The following FAM20C variants were observed in gnomAD, a reference collection of about 807,000 sequenced individuals.
FAM20C encodes extracellular serine/threonine protein kinase FAM20C.
FAM20C carries 40 observed loss-of-function variants against 51.5 expected under a neutral mutation model. That is an observed-to-expected ratio of 0.78 (90% CI 0.60 to 1.01). FAM20C has a LOEUF of 1.01. Among genes scored for constraint, FAM20C ranks in the 50% least tolerant of loss-of-function variants. FAM20C has a pLI of 0.00. For missense variants in FAM20C, 861 were observed against 844.7 expected (o/e 1.02, Z -0.24); for synonymous variants, 406 against 380.6 (o/e 1.07, Z -0.78).
chr7:243,079 C>T (rs1173590874), intron 3 of FAM20C, among the ~76,000 whole-genome samples: 1 of 136,462 alleles, frequency 7.3e-6, no homozygotes, highest in Non-Finnish European at 1.6e-5. Context: ...AGACCTGTGC[C>T]ACCCAAGAGA....
chr7:211,200 C>G (rs1047445859), intron 3 of FAM20C, among the ~76,000 whole-genome samples: 1 of 148,552 alleles, frequency 6.7e-6, no homozygotes, highest in African/African-American at 2.5e-5. Context: ...TCAGCCTCCT[C>G]CAACCTCCCT....
At position 256,368 on chromosome 7, in the gene FAM20C, G is replaced by A. The variant is rs1054043800; in HGVS notation, c.1254-286G>A. 2.6e-4 allele frequency: 150 copies of A among 570,974 alleles called. No homozygotes were observed. The East Asian group carries it at 3.8e-3, about 14-fold the overall frequency. The allele number at this position is 570,974 out of a possible 1,614,324, so 35.4% of individuals were successfully genotyped here. A position where few individuals can be genotyped will look rare whatever the true frequency, so the allele number is the denominator to read the frequency against. Reference sequence around the variant, plus strand: ...GTTCTTTCCGCCCCACGTTGTCCTCGTGAGTGTGTAGTCCAGGTCCTGTTT... The same window carrying A: ...GTTCTTTCCGCCCCACGTTGTCCTCATGAGTGTGTAGTCCAGGTCCTGTTT... On this transcript the variant is annotated intron_variant, in intron 6 of 9. Transcript: ENST00000313766.
chr7:214,274 G>A (rs936234137), intron 3 of FAM20C, among the ~76,000 whole-genome samples: 11 of 151,852 alleles, frequency 7.2e-5, no homozygotes, highest in Admixed American at 4.6e-4. Flanking sequence ...GCAGTGAGCC[G>A]AGATCACGCC....
At chr7:254,517 G>A (rs1460618126) in intron 5 of FAM20C, among the ~76,000 whole-genome samples, 1 of 152,244 alleles carries the variant, frequency 6.6e-6, no homozygotes, top group Non-Finnish European at 1.5e-5. Context: ...CGTCGGCCGG[G>A]CCTCCAGCAT....
intron 3 of FAM20C, among the ~76,000 whole-genome samples, chr7:224,430 C>CG (rs1254153048): frequency 5.4e-5 from 1 of 18,552 alleles, no homozygotes; most frequent in African/African-American, 2.7e-4. Context: ...GGCACCCTCA[C>CG]GGGGTCGCAC....
chr7:254,530 G>C (rs1788517525), intron 5 of FAM20C, among the ~76,000 whole-genome samples: 1 of 152,254 alleles, frequency 6.6e-6, no homozygotes, highest in South Asian at 2.1e-4. Context: ...TCCAGCATCA[G>C]AGCAGTGAAC....
At chr7:197,014 G>A (rs1485732690) in intron 2 of FAM20C, 1 of 157,460 alleles carries the variant, frequency 6.4e-6, no homozygotes, top group African/African-American at 2.4e-5. Flanking sequence ...GCTTTCAGCT[G>A]TGCTGGGGAA....
Position 193,118 on chromosome 7 carries a change from G to A in FAM20C, c.-82G>A. 7.9e-7 allele frequency: 1 copy of A among 1,268,884 alleles called. No individual in the cohort carries two copies. The highest frequency in any genetic ancestry group is 2.9e-4 in the Middle Eastern group (1 of 3,396). The allele number at this position is 1,268,884 out of a possible 1,614,324, so 78.6% of individuals were successfully genotyped here. On this transcript the variant is annotated 5_prime_UTR_variant, in exon 1 of 10. Transcript: ENST00000313766. ...GCACCGATGGACCTTGACCCGCGAG[G>A]CGGCGCCGCGCTCGTGCCCAGCTGC...
At chr7:205,740 G>C (rs1786349494) in intron 2 of FAM20C, among the ~76,000 whole-genome samples, 1 of 152,092 alleles carries the variant, frequency 6.6e-6, no homozygotes, top group Non-Finnish European at 1.5e-5. Context: ...CCCTGTGGAT[G>C]GTGGGGACTC....
intron 3 of FAM20C, chr7:228,451 G>T (rs1305511983): frequency 2.2e-6 from 1 of 456,006 alleles, no homozygotes; most frequent in African/African-American, 2.0e-5. Context: ...CAGGGGGCTG[G>T]TGTCACGGCT....
chr7:252,188 C>A (rs1337295840), intron 5 of FAM20C, among the ~76,000 whole-genome samples: 1 of 151,896 alleles, frequency 6.6e-6, no homozygotes, highest in African/African-American at 2.4e-5. Context: ...AGGGCTGAGC[C>A]CACTGTAGAC....
intron 3 of FAM20C, among the ~76,000 whole-genome samples, chr7:233,766 G>A (rs1787769939): frequency 2.6e-5 from 4 of 152,220 alleles, no homozygotes; most frequent in Non-Finnish European, 5.9e-5. Flanking sequence ...AGGTCCTGGG[G>A]TTCAGATGCG....
Position 230,563 on chromosome 7 carries a change from C to T in FAM20C, c.864-15852C>T, listed in dbSNP as rs540981649. ...TCTGGTCCACATGCCTCACCCTGGC[C>T]GGCCACCTCAGACAGGTCCTTGGTG... On this transcript the variant is annotated intron_variant, in intron 3 of 9. Coordinates refer to ENST00000313766, the MANE Select transcript of FAM20C (RefSeq NM_020223.4). Among the ~76,000 whole-genome samples, 126 of 152,196 alleles carry T rather than the reference C, an allele frequency of 8.3e-4. 1 individual carries two copies. The highest frequency in any genetic ancestry group is 2.6e-3 in the African/African-American group (109 of 41,516).
At chr7:228,845 C>T (rs1466758246) in intron 3 of FAM20C, 1 of 455,370 alleles carries the variant, frequency 2.2e-6, no homozygotes, top group African/African-American at 2.0e-5. Flanking sequence ...GTAGTCCTGA[C>T]CTGTAACAAC....
intron 8 of FAM20C, among the ~76,000 whole-genome samples, chr7:258,409 T>TGGGCA (rs1487253558): frequency 9.1e-6 from 1 of 109,312 alleles, no homozygotes; most frequent in African/African-American, 3.2e-5. Context: ...ATGCTGGAGA[T>TGGGCA]GGGTGGGGTG....
intron 5 of FAM20C, among the ~76,000 whole-genome samples, chr7:249,188 T>C (rs148274458): frequency 0.39 from 58,984 of 151,894 alleles, 11,513 homozygotes; most frequent in Middle Eastern, 0.47. Context: ...TTAAACACAC[T>C]CAGCAGGACC....
intron 5 of FAM20C, among the ~76,000 whole-genome samples, chr7:249,466 C>T (rs976581127): frequency 3.3e-5 from 5 of 152,226 alleles, no homozygotes; most frequent in African/African-American, 9.6e-5. Context: ...TTGGGCTGGG[C>T]GTGGTGGCTC....
intron 3 of FAM20C, among the ~76,000 whole-genome samples, chr7:214,090 C>T (rs990534064): frequency 2.0e-5 from 3 of 152,176 alleles, no homozygotes; most frequent in African/African-American, 7.2e-5. Context: ...CTTTGGGAGG[C>T]CGAGGCAGGT....
chr7:199,723 C>T (rs528391012), intron 2 of FAM20C, among the ~76,000 whole-genome samples: 5 of 152,290 alleles, frequency 3.3e-5, no homozygotes, highest in South Asian at 2.1e-4. Flanking sequence ...GCCTGGTAAC[C>T]GGCCATTGCC....
Sources: allele counts gnomAD v4.1 joint callset (sites outside exome capture counted in the v4.1 genomes callset), GRCh38; gene constraint gnomAD v4.1.1; transcripts MANE v1.5; gene names NCBI Gene and HGNC (gene_info 2026-07-23, HGNC 2026-07-21).